The following AGBL1 variants were observed in gnomAD, a reference collection of about 807,000 sequenced individuals.
The protein encoded by AGBL1 is AGBL carboxypeptidase 1, also known as cytosolic carboxypeptidase 4.
AGBL1 carries 130 observed loss-of-function variants against 118.9 expected under a neutral mutation model. The ratio of observed to expected loss-of-function variants is 1.09; its 90% CI spans 0.95 to 1.26. The LOEUF is 1.26. Among genes scored for constraint, AGBL1 ranks in the 50% most tolerant of loss-of-function variants. The probability of loss-of-function intolerance (pLI) is 0.00; values close to 1 mark genes in which losing one functional copy is unlikely to be tolerated. For missense variants in AGBL1, 1,584 were observed against 1,298.1 expected, an observed-to-expected ratio of 1.22 and a Z score of -3.38; for synonymous variants, 555 against 478.9, an observed-to-expected ratio of 1.16 and a Z score of -2.08.
chr15:86,996,470 T>C (rs893829561), intron 24 of AGBL1, among the ~76,000 whole-genome samples: 5 of 152,176 alleles, frequency 3.3e-5, no homozygotes, highest in African/African-American at 1.2e-4. Context: ...TCACCCCTGT[T>C]CTTGCATGTA....
At chr15:86,250,575 G>A (rs1424465024) in intron 7 of AGBL1, among the ~76,000 whole-genome samples, 2 of 111,868 alleles carry the variant, frequency 1.8e-5, no homozygotes, top group African/African-American at 3.6e-5. Flanking sequence ...AAAAAAAAAG[G>A]TGTGCTCTTC....
intron 16 of AGBL1, among the ~76,000 whole-genome samples, chr15:86,292,622 G>A (rs768278620): frequency 7.9e-5 from 12 of 152,114 alleles, no homozygotes; most frequent in Non-Finnish European, 1.0e-4. Context: ...GGGCAAAGTG[G>A]GGATATTTAT....
chr15:86,573,828 TA>T (rs2084044197), intron 21 of AGBL1, among the ~76,000 whole-genome samples: 1 of 152,188 alleles, frequency 6.6e-6, no homozygotes, highest in South Asian at 2.1e-4. Context: ...CTCAGACTGA[TA>T]AAGAGTAGTA....
At chr15:86,727,934 C>T (rs1487832019) in intron 22 of AGBL1, among the ~76,000 whole-genome samples, 1 of 152,196 alleles carries the variant, frequency 6.6e-6, no homozygotes. Context: ...ATATACTTAG[C>T]TTCTACAGTG....
At chr15:86,976,963 G>GT (rs1272525610) in intron 23 of AGBL1, among the ~76,000 whole-genome samples, 1 of 151,876 alleles carries the variant, frequency 6.6e-6, no homozygotes, top group Admixed American at 6.6e-5. Flanking sequence ...TTTGCAGCAT[G>GT]TTATATTTTC....
rs540505019 is a variant in AGBL1, at chr15:86,636,096, A to G, written c.2995-38177A>G. ...TGTGATGATCAAAATGTCCAGGAAC[A>G]CTGCTTTACCATACCACATGAGGGG... On this transcript the variant is annotated intron_variant, in intron 21 of 22. Transcript: ENST00000614907. Among the ~76,000 whole-genome samples the G allele has an allele frequency of 7.9e-5, 12 of 152,328 alleles. No individual in the cohort carries two copies. In the East Asian group the frequency reaches 1.2e-3, roughly 15 times the overall value.
chr15:86,641,515 T>A (rs1238079956), intron 21 of AGBL1, among the ~76,000 whole-genome samples: 1 of 152,298 alleles, frequency 6.6e-6, no homozygotes, highest in East Asian at 1.9e-4. Flanking sequence ...CTCCTGACTT[T>A]TGTGAGAATC....
At position 86,551,136 on chromosome 15, in the gene AGBL1, A is replaced by G. The variant is rs370890184; in HGVS notation, c.2818-3225A>G. On this transcript the variant is annotated intron_variant, in intron 20 of 22. Transcript: ENST00000614907. The stretch of plus-strand genomic sequence containing the variant: ...AATATTTAGAAATGCAGAAAGATCT[A>G]AAATCAAGAATCTAAGCATCCACAT... Among the ~76,000 whole-genome samples the G allele has an allele frequency of 1.7e-4, 26 of 152,204 alleles. No individual in the cohort carries two copies. The East Asian group carries it at 3.9e-3, about 23-fold the overall frequency.
intron 21 of AGBL1, chr15:86,630,761 TAAGTA>T (rs2084950689): frequency 6.6e-6 from 1 of 152,226 alleles, no homozygotes; most frequent in South Asian, 2.1e-4. Flanking sequence ...AAGTCACAAA[TAAGTA>T]AATAAATAAT....
chr15:86,704,012 C>T (rs773668362), intron 22 of AGBL1, among the ~76,000 whole-genome samples: 1 of 152,154 alleles, frequency 6.6e-6, no homozygotes, highest in Non-Finnish European at 1.5e-5. Flanking sequence ...TGATCTTCAA[C>T]AAACCTGACA....
At chr15:87,025,014 G>A (rs1325117641) in intron 24 of AGBL1, among the ~76,000 whole-genome samples, 1 of 151,942 alleles carries the variant, frequency 6.6e-6, no homozygotes, top group Non-Finnish European at 1.5e-5. Context: ...CAAACCCACA[G>A]CCAATATAAT....
chr15:86,116,201 A>G (rs1897748112), intron 1 of AGBL1, among the ~76,000 whole-genome samples: 3 of 152,240 alleles, frequency 2.0e-5, no homozygotes, highest in Non-Finnish European at 1.5e-5. Flanking sequence ...CAGCTACAGC[A>G]AAACACAACC....
intron 22 of AGBL1, among the ~76,000 whole-genome samples, chr15:86,857,468 A>G (rs2141472533): frequency 6.6e-6 from 1 of 152,212 alleles, no homozygotes; most frequent in East Asian, 1.9e-4. Flanking sequence ...GGTCTCTCTC[A>G]AAACAGAGGC....
At chr15:86,808,713 C>T (rs1301556731) in intron 22 of AGBL1, among the ~76,000 whole-genome samples, 2 of 149,532 alleles carry the variant, frequency 1.3e-5, no homozygotes, top group African/African-American at 4.9e-5. Flanking sequence ...TTCCTTCTTC[C>T]CTTTTCTTTC....
chr15:86,321,829 C>T (rs2080109603), intron 17 of AGBL1, among the ~76,000 whole-genome samples: 1 of 151,418 alleles, frequency 6.6e-6, no homozygotes, highest in East Asian at 1.9e-4. Flanking sequence ...ATCTCTATAC[C>T]ACTGGCTTTT....
intron 5 of AGBL1, among the ~76,000 whole-genome samples, chr15:86,205,416 CCATGTGCAGATTTT>C (rs1394680599): frequency 6.6e-6 from 1 of 152,162 alleles, no homozygotes; most frequent in African/African-American, 2.4e-5. Flanking sequence ...CTGTAAACAT[CCATGTGCAGATTTT>C]CATGTGGAGA....
chr15:86,220,855 T>A (rs2078269448), intron 5 of AGBL1, among the ~76,000 whole-genome samples: 1 of 152,126 alleles, frequency 6.6e-6, no homozygotes, highest in Admixed American at 6.5e-5. Flanking sequence ...CAATGGGGGA[T>A]GATGTTATGA....
chr15:86,243,659 G>A (rs2078672365), intron 6 of AGBL1, among the ~76,000 whole-genome samples: 1 of 152,032 alleles, frequency 6.6e-6, no homozygotes, highest in South Asian at 2.1e-4. Flanking sequence ...GTGTTAATAC[G>A]AAAGACCCTC....
intron 21 of AGBL1, among the ~76,000 whole-genome samples, chr15:86,589,123 A>G (rs1596294115): frequency 6.6e-6 from 1 of 152,110 alleles, no homozygotes; most frequent in Non-Finnish European, 1.5e-5. Flanking sequence ...GTTTTTGGGT[A>G]TCATTTTAGA....
Sources: gnomAD v4.1 joint callset for allele counts (sites outside exome capture counted in the v4.1 genomes callset) on GRCh38, gnomAD v4.1.1 for gene constraint, MANE v1.5 for transcripts, NCBI Gene and HGNC (gene_info 2026-07-23, HGNC 2026-07-21) for gene names.